Variants in ATRNL1 observed in about 807,000 individuals in gnomAD.
ATRNL1 encodes the protein attractin like 1, also known as attractin-like protein 1.
Under a neutral mutation model 182.7 loss-of-function variants are expected in ATRNL1, and 95 were observed. The ratio of observed to expected loss-of-function variants is 0.52; its 90% CI spans 0.44 to 0.62. The LOEUF is 0.62. Among genes scored for constraint, ATRNL1 ranks in the 20% least tolerant of loss-of-function variants. The pLI is 0.00. For missense variants in ATRNL1, 1,471 were observed against 1,679.5 expected (o/e 0.88, Z 2.17); for synonymous variants, 576 against 568.3 (o/e 1.01, Z -0.19).
chr10:115,788,961 A>C (rs782141681), intron 27 of ATRNL1, among the ~76,000 whole-genome samples: 1 of 152,222 alleles, frequency 6.6e-6, no homozygotes, highest in Non-Finnish European at 1.5e-5. Flanking sequence ...CGTATTATGA[A>C]ATCCATTCTC....
In ATRNL1 at chr10:115,938,657, G is replaced by T. The variant is rs150584363; in HGVS notation, c.4019-6001G>T. Among the ~76,000 whole-genome samples the T allele has an allele frequency of 1.1e-4, 17 of 152,220 alleles. No individual in the cohort carries two copies. In the East Asian group the frequency reaches 3.1e-3, roughly 28 times the overall value. Reference sequence around the variant, plus strand: ...GAGAATGTGGTCTTTATAAACAATGGAATATTATACAGCCTTAAAAAGAAG... The same window carrying T: ...GAGAATGTGGTCTTTATAAACAATGTAATATTATACAGCCTTAAAAAGAAG... On this transcript the variant is annotated intron_variant, in intron 28 of 28. Coordinates refer to ENST00000355044, the MANE Select transcript of ATRNL1 (RefSeq NM_207303.4).
chr10:115,125,450 C>T (rs1463013662), intron 3 of ATRNL1, among the ~76,000 whole-genome samples: 1 of 151,128 alleles, frequency 6.6e-6, no homozygotes, highest in South Asian at 2.1e-4. Context: ...ATTCTGTAGG[C>T]AAGAGTTTTT....
chr10:115,132,229 C>T (rs1304057918), intron 5 of ATRNL1, among the ~76,000 whole-genome samples: 1 of 152,104 alleles, frequency 6.6e-6, no homozygotes. Flanking sequence ...TGGTTTCCAG[C>T]GTCATCCATG....
At chr10:115,749,913 A>ATT (rs1555070220) in intron 27 of ATRNL1, among the ~76,000 whole-genome samples, 1 of 152,024 alleles carries the variant, frequency 6.6e-6, no homozygotes. Context: ...GAAGTAAGAA[A>ATT]TACCTTTTAT....
chr10:115,843,431 T>C (rs1555097834), intron 27 of ATRNL1, among the ~76,000 whole-genome samples: 1 of 151,944 alleles, frequency 6.6e-6, no homozygotes, highest in Admixed American at 6.6e-5. Flanking sequence ...GTTAAAGAAC[T>C]AAAGAGGGAG....
intron 27 of ATRNL1, among the ~76,000 whole-genome samples, chr10:115,735,946 A>G (rs1344814695): frequency 5.9e-5 from 9 of 152,166 alleles, no homozygotes; most frequent in Admixed American, 1.3e-4. Context: ...TCCTTTATAG[A>G]GAATCTAGCT....
intron 10 of ATRNL1, among the ~76,000 whole-genome samples, chr10:115,255,263 A>G (rs191805839): frequency 5.9e-5 from 9 of 152,342 alleles, no homozygotes; most frequent in East Asian, 1.9e-4. Context: ...CTTCCTATCC[A>G]TGAACATGGA....
chr10:115,693,964 C>T (rs1278327189), intron 26 of ATRNL1, among the ~76,000 whole-genome samples: 1 of 151,966 alleles, frequency 6.6e-6, no homozygotes, highest in African/African-American at 2.4e-5. Context: ...GCTTTTAATT[C>T]TCCTGTGAAT....
intron 1 of ATRNL1, among the ~76,000 whole-genome samples, chr10:115,114,117 G>A (rs1844377216): frequency 6.6e-6 from 1 of 152,240 alleles, no homozygotes; most frequent in South Asian, 2.1e-4. Context: ...GCTGTCCACT[G>A]ATTTTCAACA....
intron 4 of ATRNL1, chr10:115,128,410 G>A: frequency 1.4e-6 from 1 of 710,636 alleles, no homozygotes; most frequent in Non-Finnish European, 1.7e-6. Flanking sequence ...TCTTCAGAAT[G>A]TAGAAATTGG....
intron 18 of ATRNL1, among the ~76,000 whole-genome samples, chr10:115,325,336 C>G (rs775974091): frequency 1.1e-4 from 17 of 152,136 alleles, no homozygotes; most frequent in Non-Finnish European, 2.2e-4. Flanking sequence ...CTGACATTAC[C>G]TGTCGATCTA....
At chr10:115,287,001 T>C (rs1420532630) in intron 15 of ATRNL1, among the ~76,000 whole-genome samples, 1 of 151,878 alleles carries the variant, frequency 6.6e-6, no homozygotes, top group African/African-American at 2.4e-5. Flanking sequence ...ACATAAGGGG[T>C]ATGATATTTA....
chr10:115,337,495 A>G (rs956755097), intron 19 of ATRNL1, among the ~76,000 whole-genome samples: 1 of 151,872 alleles, frequency 6.6e-6, no homozygotes, highest in Non-Finnish European at 1.5e-5. Context: ...CAGCCCTCTA[A>G]CTATTGTTTT....
intron 26 of ATRNL1, among the ~76,000 whole-genome samples, chr10:115,568,925 G>A (rs1394136968): frequency 2.0e-5 from 3 of 151,832 alleles, no homozygotes; most frequent in Admixed American, 6.6e-5. Flanking sequence ...ATGCAAATGT[G>A]TAAACATGTA....
At chr10:115,116,150 TAAAC>T (rs1318088126) in intron 1 of ATRNL1, among the ~76,000 whole-genome samples, 2 of 152,084 alleles carry the variant, frequency 1.3e-5, no homozygotes, top group South Asian at 2.1e-4. Context: ...AGATAATACT[TAAAC>T]AAACTAGTGT....
chr10:115,654,784 C>T (rs894280226), intron 26 of ATRNL1, among the ~76,000 whole-genome samples: 8 of 152,132 alleles, frequency 5.3e-5, no homozygotes, highest in Admixed American at 2.0e-4. Flanking sequence ...TTTGACATTA[C>T]TCACAAAGAA....
intron 26 of ATRNL1, among the ~76,000 whole-genome samples, chr10:115,642,029 G>A (rs1379014108): frequency 6.6e-6 from 1 of 151,964 alleles, no homozygotes; most frequent in Non-Finnish European, 1.5e-5. Flanking sequence ...AACACGCAGA[G>A]CAATAGAGTT....
intron 5 of ATRNL1, among the ~76,000 whole-genome samples, chr10:115,150,395 T>G (rs1387790771): frequency 1.3e-5 from 2 of 152,084 alleles, no homozygotes; most frequent in Non-Finnish European, 2.9e-5. Flanking sequence ...TGGTTTATTC[T>G]TACTTTTCTA....
At chr10:115,401,110 T>C (rs540259317) in intron 20 of ATRNL1, among the ~76,000 whole-genome samples, 1 of 152,040 alleles carries the variant, frequency 6.6e-6, no homozygotes, top group Admixed American at 6.6e-5. Flanking sequence ...CCCCTAGAAC[T>C]TCATAGGTTT....
Sources: allele counts gnomAD v4.1 joint callset (sites outside exome capture counted in the v4.1 genomes callset), GRCh38; gene constraint gnomAD v4.1.1; transcripts MANE v1.5; gene names NCBI Gene and HGNC (gene_info 2026-07-23, HGNC 2026-07-21).